Variants in CERKL observed in about 807,000 individuals in gnomAD.
The protein encoded by CERKL is ceramide kinase-like protein.
CERKL carries 61 observed loss-of-function variants against 63.4 expected under a neutral mutation model. That is an observed-to-expected ratio of 0.96 (90% CI 0.78 to 1.19). The LOEUF (loss-of-function observed/expected upper bound fraction) is 1.19. Ranked by LOEUF, CERKL falls within the 50% of genes most tolerant of loss-of-function variation. CERKL has a pLI of 0.00. For synonymous variants in CERKL, 250 were observed against 230.5 expected (o/e 1.08, Z -0.77); for missense variants, 675 against 655.5 (o/e 1.03, Z -0.33).
At chr2:181,644,224 G>A (rs1182427386) in intron 1 of CERKL, among the ~76,000 whole-genome samples, 1 of 152,254 alleles carries the variant, frequency 6.6e-6, no homozygotes, top group Non-Finnish European at 1.5e-5. Context: ...ACTGGGCACA[G>A]CACTTGACCT....
At chr2:181,541,256 T>G (rs1687491568) in intron 11 of CERKL, among the ~76,000 whole-genome samples, 1 of 152,208 alleles carries the variant, frequency 6.6e-6, no homozygotes, top group Non-Finnish European at 1.5e-5. Context: ...CACTCACTTG[T>G]GGGTGCTGTG....
chr2:181,593,021 C>T (rs1246254757), intron 2 of CERKL, among the ~76,000 whole-genome samples: 1 of 152,224 alleles, frequency 6.6e-6, no homozygotes, highest in East Asian at 1.9e-4. Flanking sequence ...GAGAGCTATA[C>T]AATAATAGTA....
chr2:181,546,678 A>C (rs1256005090), intron 10 of CERKL, among the ~76,000 whole-genome samples: 1 of 152,200 alleles, frequency 6.6e-6, no homozygotes, highest in East Asian at 1.9e-4. Context: ...TCAGGAAAGA[A>C]ATATTTTCAG....
intron 1 of CERKL, among the ~76,000 whole-genome samples, chr2:181,623,512 T>C (rs562721887): frequency 2.2e-4 from 33 of 152,320 alleles, no homozygotes; most frequent in African/African-American, 7.5e-4. Flanking sequence ...GTCTTCTAAA[T>C]AGTATGTATT....
chr2:181,547,638 T>C lies in CERKL; in HGVS notation c.1248A>G (p.Arg416=), dbSNP rs1574435495. 4.3e-6 allele frequency: 7 copies of C among 1,613,934 alleles called. No individual in the cohort carries two copies. Among genetic ancestry groups the C allele is most frequent in the Non-Finnish European group, 5.1e-6 (6 of 1,179,864 alleles). ...CTAACCTGGTATTAGGTGCCAAGCC[T>C]CTAGGTGCCACTGAACACAGGCAAG... is the stretch of plus-strand genomic sequence containing the variant. The part of the protein sequence containing the change: ...AIPCLCSVAP[R]GLAPNTRLNN... The change falls in exon 10 of 13, where the codon AGA becomes AGG. Residue 416 remains arginine (R), a synonymous_variant. Transcript: ENST00000410087.
chr2:181,637,465 T>C (rs72885381), intron 1 of CERKL, among the ~76,000 whole-genome samples: 24,506 of 152,132 alleles, frequency 0.16, 2,160 homozygotes, highest in East Asian at 0.21. Context: ...AGTGAACTTC[T>C]GGGCATATTG....
chr2:181,548,513 G>C, intron 8 of CERKL, 32 bp downstream of exon 8: 2 of 1,437,030 alleles, frequency 1.4e-6, no homozygotes, highest in Non-Finnish European at 2.0e-6. Flanking sequence ...TAAAGATACA[G>C]GTTATCTGTA....
intron 2 of CERKL, among the ~76,000 whole-genome samples, chr2:181,590,947 T>A (rs1684966844): frequency 6.6e-6 from 1 of 152,194 alleles, no homozygotes; most frequent in South Asian, 2.1e-4. Flanking sequence ...AGGTACGATA[T>A]GCACAAAGTT....
At chr2:181,588,617 T>C (rs1249034860) in intron 2 of CERKL, among the ~76,000 whole-genome samples, 2 of 152,246 alleles carry the variant, frequency 1.3e-5, no homozygotes, top group Admixed American at 6.5e-5. Context: ...AGTCGTGGAA[T>C]TGCTGGATCA....
chr2:181,570,174 GT>G (rs1333080781), intron 3 of CERKL, among the ~76,000 whole-genome samples: 1 of 152,102 alleles, frequency 6.6e-6, no homozygotes, highest in Non-Finnish European at 1.5e-5. Flanking sequence ...CTGCCCAAAG[GT>G]ACAGTAACTC....
chr2:181,614,874 T>C (rs568883921), intron 1 of CERKL, among the ~76,000 whole-genome samples: 34 of 152,342 alleles, frequency 2.2e-4, no homozygotes, highest in South Asian at 1.0e-3. Context: ...TATTCATAAA[T>C]TGATATTTGA....
chr2:181,545,917 C>T (rs1186870026), intron 10 of CERKL, among the ~76,000 whole-genome samples: 1 of 152,066 alleles, frequency 6.6e-6, no homozygotes, highest in Non-Finnish European at 1.5e-5. Context: ...CACATTTAAT[C>T]TTAGAATACT....
chr2:181,575,351 T>C (rs1050898273), intron 2 of CERKL, among the ~76,000 whole-genome samples: 7 of 152,144 alleles, frequency 4.6e-5, no homozygotes, highest in African/African-American at 1.7e-4. Flanking sequence ...TTACACGCGT[T>C]AAAGAAACAT....
rs139777982 is a variant in CERKL, at chr2:181,602,699, C to G, written c.481+1138G>C. 6.5e-3 allele frequency among the ~76,000 whole-genome samples: 984 copies of G among 152,328 alleles called. 10 individuals are homozygous for G. The highest frequency in any genetic ancestry group is 0.02 in the African/African-American group (811 of 41,568). ...CAACTTGGGTCCTCATGGTTTTCTT[C>G]ATCAATGATGCTGGAACTGGAAATT... On this transcript the variant is annotated intron_variant, in intron 2 of 12. Coordinates refer to ENST00000410087, the MANE Select transcript of CERKL (RefSeq NM_201548.5).
intron 1 of CERKL, among the ~76,000 whole-genome samples, chr2:181,606,011 A>AG (rs1336913585): frequency 6.6e-6 from 1 of 151,864 alleles, no homozygotes; most frequent in Non-Finnish European, 1.5e-5. Flanking sequence ...ACTAAAAAAA[A>AG]GAAAGCATGG....
At chr2:181,583,595 G>C (rs1684631792) in intron 2 of CERKL, among the ~76,000 whole-genome samples, 1 of 152,162 alleles carries the variant, frequency 6.6e-6, no homozygotes, top group Non-Finnish European at 1.5e-5. Context: ...CTCAAAGTAT[G>C]GTCTTCAGAA....
intron 3 of CERKL, among the ~76,000 whole-genome samples, chr2:181,569,869 A>G (rs184484263): frequency 1.5e-4 from 23 of 152,262 alleles, no homozygotes; most frequent in African/African-American, 5.1e-4. Context: ...CATAAAAATT[A>G]CAAAGAGGCG....
chr2:181,603,652 ATG>A, intron 2 of CERKL, 183 bp downstream of exon 2: 1 of 699,772 alleles, frequency 1.4e-6, no homozygotes, highest in Non-Finnish European at 2.6e-6. Flanking sequence ...AGGGAAAAAT[ATG>A]ATTATCTCAA....
At chr2:181,592,874 C>T (rs193096063) in intron 2 of CERKL, among the ~76,000 whole-genome samples, 14 of 152,124 alleles carry the variant, frequency 9.2e-5, no homozygotes, top group Admixed American at 2.6e-4. Flanking sequence ...ATGATGATGA[C>T]GGTGATAATG....
Sources: allele counts gnomAD v4.1 joint callset (sites outside exome capture counted in the v4.1 genomes callset), GRCh38; gene constraint gnomAD v4.1.1; transcripts MANE v1.5; gene names NCBI Gene and HGNC (gene_info 2026-07-23, HGNC 2026-07-21).